ZNF692: variants seen among roughly 807,000 people sequenced by gnomAD.
ZNF692 encodes the protein zinc finger protein 692.
A neutral mutation model predicts 49.0 loss-of-function variants in ZNF692; 41 were observed. That is an observed-to-expected ratio of 0.84 (90% CI 0.65 to 1.08). ZNF692 has a LOEUF of 1.08. ZNF692 is among the 50% of genes least tolerant of loss of function. The pLI is 0.00. For missense variants in ZNF692, 662 were observed against 662.2 expected (o/e 1.00, Z 0.00); for synonymous variants, 288 against 251.5 (o/e 1.15, Z -1.37).
chr1:248,854,555 A>AACACACACACACACACACACGCACACAC (rs56057289), intron 9 of ZNF692: 1 of 136,412 alleles, frequency 7.3e-6, no homozygotes, highest in African/African-American at 2.9e-5. Context: ...CTGCTTTGGA[A>AACACACACACACACACACACGCACACAC]ACACACACAC....
intron 3 of ZNF692, 55 bp downstream of exon 3, chr1:248,857,773 T>A: frequency 6.3e-7 from 1 of 1,593,644 alleles, no homozygotes; most frequent in Non-Finnish European, 8.6e-7. Context: ...TGTTTCTGGG[T>A]CACCCTGTGG....
In ZNF692 at chr1:248,850,073, G is replaced by A; in HGVS notation, c.*137C>T. On this transcript the variant is annotated 3_prime_UTR_variant, in exon 12 of 12. Transcript: ENST00000306601. ...AGTAGTCCAGCTCCCCTACAGCCCAGTCTTGCCCCCACCCTGCACTCTGTC... is the reference window on the plus strand; with the variant it reads ...AGTAGTCCAGCTCCCCTACAGCCCAATCTTGCCCCCACCCTGCACTCTGTC... 4 of 946,482 alleles carry A rather than the reference G, an allele frequency of 4.2e-6. No individual in the cohort carries two copies. The East Asian group carries it at 8.1e-5, about 19-fold the overall frequency. The allele number at this position is 946,482 out of a possible 1,614,324, so 58.6% of individuals were successfully genotyped here.
rs1156310705 is a variant in ZNF692 at position 248,858,366 on chromosome 1, G to A, written c.-12-45C>T. Reference sequence around the variant, plus strand: ...TCTTCAGCGCCCTGCCGATCTCGGGGGTCGGGGACCCGGCTCCACCTGCCG... The same window carrying A: ...TCTTCAGCGCCCTGCCGATCTCGGGAGTCGGGGACCCGGCTCCACCTGCCG... On this transcript the variant is annotated intron_variant, in intron 1 of 11. Coordinates refer to ENST00000306601, the MANE Select transcript of ZNF692 (RefSeq NM_017865.4). The surrounding 1 kb of genome is among the most constrained non-coding windows in gnomAD (Gnocchi z 4.3). The A allele has an allele frequency of 6.5e-7, 1 of 1,530,694 alleles. No homozygotes were observed. The highest frequency in any genetic ancestry group is 2.0e-5 in the Admixed American group (1 of 50,370). 94.8% of individuals were successfully genotyped at this position (1,530,694 alleles called of 1,614,324 possible).
intron 4 of ZNF692, 43 bp downstream of exon 4, chr1:248,857,191 T>C (rs750645594): frequency 6.4e-7 from 1 of 1,555,754 alleles, no homozygotes; most frequent in Non-Finnish European, 8.7e-7. Context: ...TGGGAAACGT[T>C]TTTCCTCCCT....
At position 248,855,931 on chromosome 1, in the gene ZNF692, G is replaced by C. The variant is rs992011816; in HGVS notation, c.675C>G (p.Ala225=). The C allele has an allele frequency of 1.2e-6, 2 of 1,613,838 alleles. No homozygotes were observed. The highest frequency in any genetic ancestry group is 1.7e-5 in the Admixed American group (1 of 59,998). Residue 225 remains alanine, a synonymous_variant, in exon 7 of 12, where the codon GCC becomes GCG. Transcript: ENST00000306601. ...SSSPDDSEPD[A]PRLLPSPVTC... is the part of the protein sequence containing the mutation. ...TGACAGGGGAAGGCAGTAGTCTGGG[G>C]GCATCAGGCTCACTACTGAAAGGAG...
intron 10 of ZNF692, 169 bp from the exon 11 acceptor site, chr1:248,850,950 G>C (rs948124703): frequency 1.4e-6 from 1 of 717,720 alleles, no homozygotes; most frequent in Non-Finnish European, 2.5e-6. Flanking sequence ...TCCCTTACCT[G>C]ATGGGTCATG....
chr1:248,855,288 C>T, intron 9 of ZNF692, 92 bp downstream of exon 9: 3 of 1,287,282 alleles, frequency 2.3e-6, no homozygotes, highest in Non-Finnish European at 3.3e-6. Context: ...GGTTCTGAAT[C>T]CTCCCATGCC....
chr1:248,858,680 G>A lies in ZNF692; in HGVS notation c.-13+238C>T. Reference sequence around the variant, plus strand: ...ACATTTCATCTTGAATAGGGCAGCGGCCTTTACTGGTTTCTAGGGGAAGGA... The same window carrying A: ...ACATTTCATCTTGAATAGGGCAGCGACCTTTACTGGTTTCTAGGGGAAGGA... On this transcript the variant is annotated intron_variant, in intron 1 of 11. Coordinates refer to ENST00000306601, the MANE Select transcript of ZNF692 (RefSeq NM_017865.4). This position sits in a 1 kb window ranked among gnomAD's most constrained non-coding sequence, Gnocchi z 4.3. 3.4e-6 allele frequency: 3 copies of A among 886,690 alleles called. No individual in the cohort carries two copies. Among genetic ancestry groups the A allele is most frequent in the South Asian group, 2.9e-5 (2 of 69,582 alleles). 54.9% of individuals were successfully genotyped at this position (886,690 alleles called of 1,614,324 possible).
At chr1:248,852,744 C>T (rs907663492) in intron 10 of ZNF692, among the ~76,000 whole-genome samples, 7 of 152,144 alleles carry the variant, frequency 4.6e-5, no homozygotes, top group Non-Finnish European at 8.8e-5. Context: ...ATCATCCCCC[C>T]TTCCTCCCTG....
chr1:248,853,523 G>A (rs932236063), intron 10 of ZNF692, among the ~76,000 whole-genome samples: 4 of 152,096 alleles, frequency 2.6e-5, no homozygotes, highest in Admixed American at 2.0e-4. Flanking sequence ...TTCCACACGC[G>A]CTGTCCATAG....
intron 10 of ZNF692, chr1:248,851,043 A>C: frequency 2.6e-5 from 16 of 610,932 alleles, no homozygotes; most frequent in Non-Finnish European, 3.7e-5. Context: ...ACTCAAACCA[A>C]TGAACTCCTG....
At chr1:248,851,036 C>T (rs1415078805) in intron 10 of ZNF692, 1 of 636,212 alleles carries the variant, frequency 1.6e-6, no homozygotes, top group African/African-American at 1.8e-5. Flanking sequence ...CAATCCCACT[C>T]AAACCAATGA....
chr1:248,850,255 C>A lies in ZNF692; in HGVS notation c.1515G>T (p.Arg505Ser). The change falls in exon 12 of 12, where the codon AGG becomes AGT. Residue 505 changes from arginine to serine, a missense_variant. By Grantham distance (110) the Arg-to-Ser change is moderately radical (BLOSUM62 -1). Coordinates refer to ENST00000306601, the MANE Select transcript of ZNF692 (RefSeq NM_017865.4). ...PGPLGSSEGS[R>S]PSASPQAPTL... The stretch of plus-strand genomic sequence containing the variant: ...TTGGAGCCTGAGGAGATGCAGAGGG[C>A]CTGGACCCCTCGCTGGATCCCAGAG... 1.3e-6 allele frequency: 2 copies of A among 1,587,428 alleles called. No individual in the cohort carries two copies. Among genetic ancestry groups the A allele is most frequent in the Non-Finnish European group, 1.7e-6 (2 of 1,165,548 alleles).
At position 248,858,850 on chromosome 1, in the gene ZNF692, C is replaced by T. The variant is rs1017718330; in HGVS notation, c.-13+68G>A. On this transcript the variant is annotated intron_variant, in intron 1 of 11. Coordinates refer to ENST00000306601, the MANE Select transcript of ZNF692 (RefSeq NM_017865.4). This position sits in a 1 kb window ranked among gnomAD's most constrained non-coding sequence, Gnocchi z 4.3. ...TAATGCTGACAGTGAGTGGAGCGGA[C>T]TAATCCCAATGGCAGTTCCCAGGCT... 4.2e-6 allele frequency: 2 copies of T among 477,686 alleles called. No homozygotes were observed. Among genetic ancestry groups the T allele is most frequent in the African/African-American group, 3.9e-5 (2 of 51,214 alleles). The allele number at this position is 477,686 out of a possible 1,614,324, so 29.6% of individuals were successfully genotyped here.
rs979870094 is a variant in ZNF692, at chr1:248,857,231, T to C, written c.475+3A>G. 6.2e-7 allele frequency: 1 copy of C among 1,607,854 alleles called. No individual in the cohort carries two copies. The highest frequency in any genetic ancestry group is 8.5e-7 in the Non-Finnish European group (1 of 1,176,744). Reference sequence around the variant, plus strand: ...TCCATAACTCTGCTTTTTTCCAGCCTACCTGCAAGCTCCTGCCCACTCGTG... The same window carrying C: ...TCCATAACTCTGCTTTTTTCCAGCCCACCTGCAAGCTCCTGCCCACTCGTG... On this transcript the variant is annotated splice_donor_region_variant and intron_variant, in intron 4 of 11. Coordinates refer to ENST00000306601, the MANE Select transcript of ZNF692 (RefSeq NM_017865.4).
chr1:248,852,300 G>T (rs144818262), intron 10 of ZNF692, among the ~76,000 whole-genome samples: 3 of 152,034 alleles, frequency 2.0e-5, no homozygotes, highest in African/African-American at 7.3e-5. Flanking sequence ...TTCTAAAGTC[G>T]CCAAGAAACT....
intron 10 of ZNF692, among the ~76,000 whole-genome samples, chr1:248,851,810 T>G (rs752820972): frequency 5.3e-5 from 8 of 152,182 alleles, no homozygotes; most frequent in Non-Finnish European, 1.0e-4. Context: ...AAAAAAGAAA[T>G]TGTGATTTCA....
intron 6 of ZNF692, 31 bp downstream of exon 6, chr1:248,856,257 C>G: frequency 6.4e-7 from 1 of 1,555,598 alleles, no homozygotes. Context: ...CCCTCTCTTG[C>G]TCTGCTCATT....
intron 11 of ZNF692, 60 bp downstream of exon 11, chr1:248,850,622 T>C: frequency 2.5e-6 from 4 of 1,607,274 alleles, no homozygotes; most frequent in Non-Finnish European, 1.7e-6. Context: ...TATGCCTAGC[T>C]TCCAGACTCC....
Sources: gnomAD v4.1 joint callset for allele counts (sites outside exome capture counted in the v4.1 genomes callset) on GRCh38, gnomAD v4.1.1 for gene constraint, Gnocchi (gnomAD v3.1) non-coding constraint, MANE v1.5 for transcripts, NCBI Gene and HGNC (gene_info 2026-07-23, HGNC 2026-07-21) for gene names.